The following FGF12 variants were observed in gnomAD, a reference collection of about 807,000 sequenced individuals.
FGF12 encodes fibroblast growth factor 12, also known as fibroblast growth factor 12B.
FGF12 carries 14 observed loss-of-function variants against 23.6 expected under a neutral mutation model. The ratio of observed to expected loss-of-function variants is 0.59; its 90% confidence interval spans 0.39 to 0.93. The LOEUF (loss-of-function observed/expected upper bound fraction) is 0.93, where lower values mean the gene tolerates loss of function less well. Among genes scored for constraint, FGF12 ranks in the 40% least tolerant of loss-of-function variants. The pLI, the probability that FGF12 is intolerant of heterozygous loss-of-function variation, is 0.00. For missense variants in FGF12, 175 were observed against 217.8 expected (o/e 0.80, Z 1.24); for synonymous variants, 62 against 77.3 (o/e 0.80, Z 1.04).
chr3:192,291,645 AT>A (rs1440810406), intron 4 of FGF12, among the ~76,000 whole-genome samples: 2 of 152,132 alleles, frequency 1.3e-5, no homozygotes, highest in African/African-American at 4.8e-5. Context: ...ACCCAAAAAT[AT>A]TCCTCAAATG....
chr3:192,197,946 CAAAAAA>C (rs11328919), intron 4 of FGF12, among the ~76,000 whole-genome samples: 3 of 49,128 alleles, frequency 6.1e-5, no homozygotes, highest in Non-Finnish European at 1.1e-4. Context: ...AATTCCTCCT[CAAAAAA>C]AAAAAAAAAA....
In FGF12 at chr3:192,301,621, G is replaced by A. The variant is rs1026512878; in HGVS notation, c.228+33740C>T. ...CAACAAAGGCATGCATAGTCTCGTGGTCAGTGGAATTGAAGTTTTGACCTG... is the reference window on the plus strand; with the variant it reads ...CAACAAAGGCATGCATAGTCTCGTGATCAGTGGAATTGAAGTTTTGACCTG... On this transcript the variant is annotated intron_variant, in intron 4 of 5. Coordinates refer to ENST00000445105, the MANE Select transcript of FGF12 (RefSeq NM_004113.6). 7.2e-5 allele frequency among the ~76,000 whole-genome samples: 11 copies of A among 152,292 alleles called. 2 individuals carry two copies. Among genetic ancestry groups the A allele is most frequent in the Non-Finnish European group, 4.4e-5 (3 of 68,020 alleles).
rs112014424 is a variant in FGF12, at chr3:192,506,218, A to T, written c.14-145680T>A. ...CAAAGCTACAGTTATCACTTGTGGA[A>T]GAGAAGTTGGGGGTCAGTTAGCATT... On this transcript the variant is annotated intron_variant, in intron 2 of 5. Coordinates refer to ENST00000445105, the MANE Select transcript of FGF12 (RefSeq NM_004113.6). Among the ~76,000 whole-genome samples the T allele has an allele frequency of 4.8e-3, 736 of 152,338 alleles. 6 individuals carry two copies. The highest frequency in any genetic ancestry group is 0.017 in the African/African-American group (694 of 41,584).
At chr3:192,629,084 AAC>A (rs1362043699) in intron 2 of FGF12, among the ~76,000 whole-genome samples, 1 of 152,210 alleles carries the variant, frequency 6.6e-6, no homozygotes, top group Admixed American at 6.5e-5. Flanking sequence ...TATAAGATAA[AAC>A]AGACTATCAT....
chr3:192,726,206 A>G (rs1719208782), intron 2 of FGF12, among the ~76,000 whole-genome samples: 2 of 152,218 alleles, frequency 1.3e-5, no homozygotes, highest in Non-Finnish European at 2.9e-5. Flanking sequence ...TGGTTTAAAA[A>G]TAAAATCTTG....
intron 2 of FGF12, among the ~76,000 whole-genome samples, chr3:192,396,932 C>A (rs777748653): frequency 2.6e-5 from 4 of 152,198 alleles, no homozygotes; most frequent in African/African-American, 7.2e-5. Context: ...AAGGAACCTC[C>A]ATCTTCACCA....
intron 4 of FGF12, among the ~76,000 whole-genome samples, chr3:192,203,994 T>A (rs1417373394): frequency 1.3e-5 from 2 of 152,112 alleles, no homozygotes; most frequent in African/African-American, 4.8e-5. Flanking sequence ...CAGTGGTTCA[T>A]TGGCCAAAAA....
chr3:192,168,938 T>C (rs1577197570), intron 5 of FGF12, among the ~76,000 whole-genome samples: 2 of 152,166 alleles, frequency 1.3e-5, no homozygotes, highest in Non-Finnish European at 2.9e-5. Flanking sequence ...CATGGAAGTA[T>C]TGACTCTTGA....
At chr3:192,195,077 T>C (rs568252927) in intron 4 of FGF12, among the ~76,000 whole-genome samples, 4 of 152,334 alleles carry the variant, frequency 2.6e-5, no homozygotes, top group South Asian at 4.1e-4. Flanking sequence ...AGGATGCAGA[T>C]TGGCAGTCCT....
chr3:192,419,158 T>G (rs1340365953), intron 2 of FGF12, among the ~76,000 whole-genome samples: 1 of 152,198 alleles, frequency 6.6e-6, no homozygotes, highest in African/African-American at 2.4e-5. Context: ...TTCATGACTT[T>G]TTTTAGGATG....
intron 2 of FGF12, among the ~76,000 whole-genome samples, chr3:192,653,572 A>C (rs934431365): frequency 1.3e-5 from 2 of 152,220 alleles, no homozygotes; most frequent in Non-Finnish European, 2.9e-5. Context: ...ACAGATCTAT[A>C]ATATTAAAAA....
chr3:192,196,496 A>G (rs1358215612), intron 4 of FGF12, among the ~76,000 whole-genome samples: 1 of 152,112 alleles, frequency 6.6e-6, no homozygotes, highest in African/African-American at 2.4e-5. Context: ...CAATACTTAG[A>G]GCTTATTAGA....
chr3:192,388,154 G>A (rs1025546370), intron 2 of FGF12, among the ~76,000 whole-genome samples: 1 of 152,038 alleles, frequency 6.6e-6, no homozygotes, highest in Non-Finnish European at 1.5e-5. Context: ...CCAGATACTT[G>A]GGAGGTTGAG....
At chr3:192,494,857 T>C (rs1577017652) in intron 2 of FGF12, among the ~76,000 whole-genome samples, 1 of 119,814 alleles carries the variant, frequency 8.3e-6, no homozygotes. Context: ...TATATATATA[T>C]ATAAAATACA....
At chr3:192,484,822 T>A (rs974314423) in intron 2 of FGF12, among the ~76,000 whole-genome samples, 1 of 152,212 alleles carries the variant, frequency 6.6e-6, no homozygotes, top group Admixed American at 6.5e-5. Flanking sequence ...CCCGGAACTG[T>A]GCAACTTGTT....
intron 5 of FGF12, among the ~76,000 whole-genome samples, chr3:192,159,806 A>G (rs938422439): frequency 6.6e-6 from 1 of 152,318 alleles, no homozygotes; most frequent in East Asian, 1.9e-4. Context: ...AGATGTTGCT[A>G]CATATCCTCC....
chr3:192,453,263 T>C (rs973680457), intron 2 of FGF12, among the ~76,000 whole-genome samples: 3 of 152,200 alleles, frequency 2.0e-5, no homozygotes, highest in African/African-American at 7.2e-5. Context: ...CTTTTAAAAG[T>C]TGTATTTGAT....
At chr3:192,259,918 A>T (rs1413454809) in intron 4 of FGF12, among the ~76,000 whole-genome samples, 3 of 152,236 alleles carry the variant, frequency 2.0e-5, no homozygotes, top group Non-Finnish European at 1.5e-5. Flanking sequence ...CGTAGGTGGG[A>T]TTATATGTGG....
intron 2 of FGF12, among the ~76,000 whole-genome samples, chr3:192,662,227 T>A (rs1430613954): frequency 1.3e-5 from 2 of 152,204 alleles, no homozygotes; most frequent in African/African-American, 4.8e-5. Context: ...TAATAAAATA[T>A]CTCAAATGAT....
Sources: allele counts gnomAD v4.1 joint callset (sites outside exome capture counted in the v4.1 genomes callset), GRCh38; gene constraint gnomAD v4.1.1; transcripts MANE v1.5; gene names NCBI Gene and HGNC (gene_info 2026-07-23, HGNC 2026-07-21).